The following C1orf167 variants were observed in gnomAD, a reference collection of about 807,000 sequenced individuals.
C1orf167 encodes the protein uncharacterized protein C1orf167.
Under a neutral mutation model 176.5 loss-of-function variants are expected in C1orf167, and 153 were observed. The observed-to-expected ratio is 0.87, with a 90% CI of 0.76 to 0.99. The LOEUF (loss-of-function observed/expected upper bound fraction) is 0.99, where lower values mean the gene tolerates loss of function less well. C1orf167 is among the 50% of genes least tolerant of loss of function. The pLI, the probability that C1orf167 is intolerant of heterozygous loss-of-function variation, is 0.00. For missense variants in C1orf167, 1,490 were observed against 1,817.7 expected (o/e 0.82, Z 3.28); for synonymous variants, 594 against 752.7 (o/e 0.79, Z 3.45).
intron 13 of C1orf167, among the ~76,000 whole-genome samples, chr1:11,781,060 C>T (rs998410812): frequency 2.4e-5 from 3 of 123,244 alleles, no homozygotes; most frequent in African/African-American, 9.2e-5. Flanking sequence ...TGCAGTGGTG[C>T]GATCTTGGCT....
At position 11,766,396 on chromosome 1, in the gene C1orf167, C is replaced by T; in HGVS notation, c.610C>T (p.Leu204=). 5 of 1,272,564 alleles carry T rather than the reference C, an allele frequency of 3.9e-6. No homozygotes were observed. The South Asian group carries it at 6.4e-5, about 16-fold the overall frequency. 78.8% of individuals were successfully genotyped at this position (1,272,564 alleles called of 1,614,324 possible). The change falls in exon 3 of 21, where the codon CTG becomes TTG. Residue 204 remains leucine, a synonymous_variant. Coordinates refer to ENST00000688073, the MANE Select transcript of C1orf167 (RefSeq NM_001010881.2). This position sits in a 1 kb window ranked among gnomAD's most constrained non-coding sequence, Gnocchi z 4.5. ...TQPGLRSWGG[L]GSWRSRLVGE... ...GCCAGGCCTCAGATCCTGGGGTGGT[C>T]TGGGGAGCTGGAGGTCCAGGCTGGT...
chr1:11,777,811 G>A (rs1223395788), intron 10 of C1orf167: 2 of 152,134 alleles, frequency 1.3e-5, no homozygotes, highest in African/African-American at 4.8e-5. Flanking sequence ...CAACCCCCAG[G>A]CCCTCCCTCT....
At chr1:11,781,249 C>T (rs1013197163) in intron 13 of C1orf167, among the ~76,000 whole-genome samples, 9 of 151,966 alleles carry the variant, frequency 5.9e-5, no homozygotes, top group South Asian at 2.1e-4. Flanking sequence ...CAACCCGCCT[C>T]GGCCTTCCAA....
intron 13 of C1orf167, among the ~76,000 whole-genome samples, chr1:11,781,426 C>T (rs898622913): frequency 5.3e-5 from 8 of 152,168 alleles, no homozygotes; most frequent in Non-Finnish European, 8.8e-5. Flanking sequence ...GACACGAACA[C>T]AGGATGCTGT....
At position 11,789,530 on chromosome 1, in the gene C1orf167, C is replaced by CA; in HGVS notation, c.*85dup. Reference sequence around the variant, plus strand: ...GCCCCACACATCCAGGGAGTGATGACAGAGGGGACAGCTTGAAGAGCTCTG... The same window carrying CA: ...GCCCCACACATCCAGGGAGTGATGACAAGAGGGGACAGCTTGAAGAGCTCTG... On this transcript the variant is annotated 3_prime_UTR_variant, in exon 21 of 21. Coordinates refer to ENST00000688073, the MANE Select transcript of C1orf167 (RefSeq NM_001010881.2). 8.5e-7 allele frequency: 1 copy of CA among 1,177,772 alleles called. No individual in the cohort carries two copies. The highest frequency in any genetic ancestry group is 1.4e-5 in the South Asian group (1 of 70,766). 73.0% of individuals were successfully genotyped at this position (1,177,772 alleles called of 1,614,324 possible).
Position 11,771,540 on chromosome 1 carries a change from G to C in C1orf167, c.1714G>C (p.Glu572Gln), listed in dbSNP as rs1314865811. 1 of 1,289,472 alleles carries C rather than the reference G, an allele frequency of 7.8e-7. No individual in the cohort carries two copies. The highest frequency in any genetic ancestry group is 5.5e-5 in the East Asian group (1 of 18,024). The allele number at this position is 1,289,472 out of a possible 1,614,324, so 79.9% of individuals were successfully genotyped here. Residue 572 changes from glutamate to glutamine, a missense_variant, in exon 7 of 21, where the codon GAG (glutamate) becomes CAG (glutamine). Physicochemically the swap from Glu to Gln is conservative, Grantham distance 29 (BLOSUM62 2). Transcript: ENST00000688073. Reference protein sequence around the residue: ...LEHTSPGSLREEEIAQRLLSH... With the variant: ...LEHTSPGSLRQEEIAQRLLSH... ...TGCTTTTAGTCCAGGAAGTCTGAGG[G>C]AGGAGGAGATTGCTCAGCGGCTTCT...
rs1257569288 is a variant in C1orf167 at position 11,771,080 on chromosome 1, T to A, written c.1698-444T>A. 4.5e-3 allele frequency among the ~76,000 whole-genome samples: 502 copies of A among 112,424 alleles called. 9 individuals are homozygous for A. The highest frequency in any genetic ancestry group is 0.015 in the African/African-American group (410 of 26,492). The allele number at this position is 112,424 out of a possible 152,430, so 73.8% of individuals were successfully genotyped here. On this transcript the variant is annotated intron_variant, in intron 6 of 20. Coordinates refer to ENST00000688073, the MANE Select transcript of C1orf167 (RefSeq NM_001010881.2). ...ATATATATATATATATTTTTTTTTT[T>A]TTTTTTTTTTTTTTTTGTAGTAGAG... is the stretch of plus-strand genomic sequence containing the variant.
Position 11,769,158 on chromosome 1 carries a change from C to T in C1orf167, c.1697+31C>T, listed in dbSNP as rs910084552. ...TCAGTGTTGCCTGGGAAGCCGGTGG[C>T]CTTTCTTCCCCAACTTCCTGCCTTG... On this transcript the variant is annotated intron_variant, in intron 6 of 20. Coordinates refer to ENST00000688073, the MANE Select transcript of C1orf167 (RefSeq NM_001010881.2). 4.8e-5 allele frequency: 47 copies of T among 985,632 alleles called. No individual in the cohort carries two copies. The African/African-American group carries it at 7.7e-4, about 16-fold the overall frequency. 61.1% of individuals were successfully genotyped at this position (985,632 alleles called of 1,614,324 possible). A position where few individuals can be genotyped will look rare whatever the true frequency, so the allele number is the denominator to read the frequency against.
intron 14 of C1orf167, among the ~76,000 whole-genome samples, chr1:11,783,823 G>A (rs547278393): frequency 6.6e-6 from 1 of 152,192 alleles, no homozygotes; most frequent in African/African-American, 2.4e-5. Flanking sequence ...CTCTGAGAAC[G>A]AGACAAGCCC....
Position 11,768,944 on chromosome 1 carries a change from A to G in C1orf167, c.1543-29A>G, listed in dbSNP as rs1642925870. On this transcript the variant is annotated intron_variant, in intron 5 of 20. Coordinates refer to ENST00000688073, the MANE Select transcript of C1orf167 (RefSeq NM_001010881.2). The surrounding 1 kb of genome is among the most constrained non-coding windows in gnomAD (Gnocchi z 4.5). The stretch of plus-strand genomic sequence containing the variant: ...CTTGGGAGGCAGATTCAAGGCCAAC[A>G]TCTCCTTTCCCCTTCTCTCTTGAGC... 4 of 985,842 alleles carry G rather than the reference A, an allele frequency of 4.1e-6. No homozygotes were observed. Among genetic ancestry groups the G allele is most frequent in the South Asian group, 9.4e-5 (2 of 21,294 alleles). 61.1% of individuals were successfully genotyped at this position (985,842 alleles called of 1,614,324 possible). A position where few individuals can be genotyped will look rare whatever the true frequency, so the allele number is the denominator to read the frequency against.
rs916557063 is a variant in C1orf167 at position 11,787,984 on chromosome 1, C to T, written c.3785C>T (p.Ala1262Val). The T allele has an allele frequency of 1.5e-6, 2 of 1,304,198 alleles. No homozygotes were observed. The highest frequency in any genetic ancestry group is 2.1e-4 in the Middle Eastern group (1 of 4,690). The allele number at this position is 1,304,198 out of a possible 1,614,324, so 80.8% of individuals were successfully genotyped here. A position where few individuals can be genotyped will look rare whatever the true frequency, so the allele number is the denominator to read the frequency against. ...TGGACGAGGGACCAGGGACCAAGAG[C>T]GCACTCCAGCCCTGAGCCCAGAGCC... is the stretch of plus-strand genomic sequence containing the variant. ...PLWTRDQGPRAHSSPEPRACK... is the reference protein window; with the variant it reads ...PLWTRDQGPRVHSSPEPRACK... Residue 1262 changes from alanine (A) to valine (V), a missense_variant, in exon 18 of 21, where the codon GCG becomes GTG. Ala to Val is a moderately conservative substitution (Grantham distance 64). Transcript: ENST00000688073.
In C1orf167 at chr1:11,766,596, C is replaced by G; in HGVS notation, c.810C>G (p.Leu270=). 2 of 1,273,736 alleles carry G rather than the reference C, an allele frequency of 1.6e-6. No homozygotes were observed. Among genetic ancestry groups the G allele is most frequent in the Non-Finnish European group, 2.0e-6 (2 of 980,634 alleles). The allele number at this position is 1,273,736 out of a possible 1,614,324, so 78.9% of individuals were successfully genotyped here. A position where few individuals can be genotyped will look rare whatever the true frequency, so the allele number is the denominator to read the frequency against. Residue 270 remains leucine (L), a synonymous_variant, in exon 3 of 21, where the codon CTC becomes CTG. Coordinates refer to ENST00000688073, the MANE Select transcript of C1orf167 (RefSeq NM_001010881.2). The surrounding 1 kb of genome is among the most constrained non-coding windows in gnomAD (Gnocchi z 4.5). ...QEPPGAVQQD[L]WTGGGQPFSA... The stretch of plus-strand genomic sequence containing the variant: ...CCCCCGGTGCTGTGCAGCAGGACCT[C>G]TGGACCGGCGGCGGCCAGCCATTCT...
chr1:11,764,721 G>T (rs1363052002), intron 2 of C1orf167, among the ~76,000 whole-genome samples: 1 of 152,206 alleles, frequency 6.6e-6, no homozygotes, highest in East Asian at 1.9e-4. Context: ...CCACAGCTCG[G>T]TCCTGGGGAC....
At chr1:11,771,165 C>G (rs1196847212) in intron 6 of C1orf167, among the ~76,000 whole-genome samples, 1 of 145,560 alleles carries the variant, frequency 6.9e-6, no homozygotes, top group Non-Finnish European at 1.5e-5. Context: ...GTGATCTGCC[C>G]GTCTCAGCCT....
In C1orf167 at chr1:11,766,724, C is replaced by A. The variant is rs1363779242; in HGVS notation, c.938C>A (p.Ala313Asp). The change falls in exon 3 of 21, where the codon GCT (alanine) becomes GAT (aspartate). Residue 313 changes from alanine to aspartate, a missense_variant. Physicochemically the swap from Ala to Asp is moderately radical, Grantham distance 126. Coordinates refer to ENST00000688073, the MANE Select transcript of C1orf167 (RefSeq NM_001010881.2). The surrounding 1 kb of genome is among the most constrained non-coding windows in gnomAD (Gnocchi z 4.5). ...ACTGCGGCTTTCTTGGAGACCCCGG[C>A]TAGTCTCTCAGACTCTTGGGCACAA... is the stretch of plus-strand genomic sequence containing the variant. Reference protein sequence around the residue: ...RETAAFLETPASLSDSWAQSK... With the variant: ...RETAAFLETPDSLSDSWAQSK... 3 of 1,289,766 alleles carry A rather than the reference C, an allele frequency of 2.3e-6. No individual in the cohort carries two copies. Among genetic ancestry groups the A allele is most frequent in the Admixed American group, 4.6e-5 (2 of 43,564 alleles). The allele number at this position is 1,289,766 out of a possible 1,614,324, so 79.9% of individuals were successfully genotyped here. A position where few individuals can be genotyped will look rare whatever the true frequency, so the allele number is the denominator to read the frequency against.
At chr1:11,773,533 C>A (rs934902997) in intron 8 of C1orf167, among the ~76,000 whole-genome samples, 2 of 152,024 alleles carry the variant, frequency 1.3e-5, no homozygotes, top group African/African-American at 4.8e-5. Context: ...CATGGTGAAA[C>A]CCCATCTCTA....
intron 16 of C1orf167, chr1:11,786,722 A>G (rs373669592): frequency 4.6e-5 from 7 of 151,778 alleles, no homozygotes; most frequent in African/African-American, 1.7e-4. Flanking sequence ...CAGGCCCATT[A>G]CGCCATGAGC....
In C1orf167 at chr1:11,788,271, G is replaced by A. The variant is rs756848662; in HGVS notation, c.3971G>A (p.Arg1324Gln). ...GAAGTACCTGCAGCGCCGGTGCCTC[G>A]AGGCACTGCTTCACGGGCTGCGGGG... Reference protein sequence around the residue: ...QEEVPAAPVPRGTASRAAGFP... With the variant: ...QEEVPAAPVPQGTASRAAGFP... The change falls in exon 19 of 21, where the codon CGA becomes CAA. Residue 1324 changes from arginine to glutamine, a missense_variant. Arg to Gln is a conservative substitution (Grantham distance 43). Transcript: ENST00000688073. The A allele has an allele frequency of 8.4e-6, 11 of 1,303,746 alleles. No individual in the cohort carries two copies. Among genetic ancestry groups the A allele is most frequent in the East Asian group, 1.1e-4 (2 of 18,020 alleles). 80.8% of individuals were successfully genotyped at this position (1,303,746 alleles called of 1,614,324 possible).
chr1:11,763,159 G>A (rs1432206113), intron 1 of C1orf167, among the ~76,000 whole-genome samples: 2 of 152,246 alleles, frequency 1.3e-5, no homozygotes, highest in African/African-American at 2.4e-5. Flanking sequence ...ACTTTGCGGG[G>A]CTGGGTGTGG....
Sources: gnomAD v4.1 joint callset for allele counts (sites outside exome capture counted in the v4.1 genomes callset) on GRCh38, gnomAD v4.1.1 for gene constraint, Gnocchi (gnomAD v3.1) non-coding constraint, MANE v1.5 for transcripts, NCBI Gene and HGNC (gene_info 2026-07-23, HGNC 2026-07-21) for gene names.